ENTPD5: variants seen among roughly 807,000 people sequenced by gnomAD.
The protein encoded by ENTPD5 is nucleoside diphosphate phosphatase ENTPD5.
A neutral mutation model predicts 60.2 loss-of-function variants in ENTPD5; 49 were observed. The ratio of observed to expected loss-of-function variants is 0.81; its 90% CI spans 0.65 to 1.03. ENTPD5 has a LOEUF of 1.03. Among genes scored for constraint, ENTPD5 ranks in the 50% least tolerant of loss-of-function variants. The pLI is 0.00. For synonymous variants in ENTPD5, 187 were observed against 185.4 expected, an observed-to-expected ratio of 1.01 and a Z score of -0.07; for missense variants, 480 against 507.6, an observed-to-expected ratio of 0.95 and a Z score of 0.52.
chr14:74,014,614 T>C (rs372569664), intron 2 of ENTPD5, among the ~76,000 whole-genome samples: 29 of 152,254 alleles, frequency 1.9e-4, no homozygotes, highest in Admixed American at 1.3e-3. Flanking sequence ...AAGTAAAACA[T>C]TGAATGTTTT....
chr14:73,975,203 G>A (rs943944375), intron 10 of ENTPD5, among the ~76,000 whole-genome samples: 2 of 152,112 alleles, frequency 1.3e-5, no homozygotes, highest in Non-Finnish European at 2.9e-5. Context: ...ATCATTCAAA[G>A]GCCAGAGACA....
At chr14:73,999,691 G>A (rs1204928917) in intron 3 of ENTPD5, among the ~76,000 whole-genome samples, 1 of 151,630 alleles carries the variant, frequency 6.6e-6, no homozygotes, top group East Asian at 1.9e-4. Flanking sequence ...ACTCAGGAGG[G>A]TGAGGCAGGA....
intron 11 of ENTPD5, among the ~76,000 whole-genome samples, chr14:73,974,410 C>A (rs557334002): frequency 6.6e-6 from 1 of 152,180 alleles, no homozygotes; most frequent in South Asian, 2.1e-4. Flanking sequence ...ATCCCAATAA[C>A]AGATTACTGT....
chr14:73,960,868 A>G (rs1186312641), downstream of ENTPD5: 3 of 464,446 alleles, frequency 6.5e-6, no homozygotes, highest in Non-Finnish European at 1.2e-5. Context: ...ATGGAGGTAG[A>G]AGGATACTGT....
chr14:73,987,068 C>T (rs542037636), intron 4 of ENTPD5, 175 bp from the exon 5 acceptor site: 11 of 709,478 alleles, frequency 1.6e-5, no homozygotes, highest in Non-Finnish European at 2.6e-5. Flanking sequence ...CTAGAGCAAC[C>T]TCTGAGGGTC....
At chr14:74,016,346 A>G (rs1446464371) in intron 1 of ENTPD5, among the ~76,000 whole-genome samples, 1 of 152,194 alleles carries the variant, frequency 6.6e-6, no homozygotes, top group Non-Finnish European at 1.5e-5. Context: ...AATACAATAA[A>G]ATAAACTAGG....
intron 3 of ENTPD5, among the ~76,000 whole-genome samples, chr14:73,991,853 A>T (rs1213601384): frequency 1.3e-5 from 2 of 150,102 alleles, no homozygotes; most frequent in Non-Finnish European, 3.0e-5. Context: ...ATGTTTATTT[A>T]AAAATTTTTT....
intron 3 of ENTPD5, among the ~76,000 whole-genome samples, chr14:73,990,726 C>T (rs2058095358): frequency 6.6e-6 from 1 of 151,848 alleles, no homozygotes; most frequent in Non-Finnish European, 1.5e-5. Flanking sequence ...ATTATTGAAA[C>T]CTGTGATAAA....
chr14:74,003,410 G>A (rs1409762064), intron 3 of ENTPD5: 1 of 857,474 alleles, frequency 1.2e-6, no homozygotes, highest in Non-Finnish European at 1.8e-6. Flanking sequence ...GAGCTAAGTG[G>A]AGGAAAAAGC....
rs1265525187 is a variant in ENTPD5 at position 73,966,118 on chromosome 14, T to C, written c.*810A>G. The C allele has an allele frequency of 6.6e-6, 1 of 152,196 alleles. No homozygotes were observed. The highest frequency in any genetic ancestry group is 1.5e-5 in the Non-Finnish European group (1 of 68,038). The allele number at this position is 152,196 out of a possible 1,614,324, so 9.4% of individuals were successfully genotyped here. ...TACAAAGAAAACAAGTTTAGAATCA[T>C]AGAAAACACTGTTAACACATTAGCC... On this transcript the variant is annotated 3_prime_UTR_variant, in exon 16 of 16. Coordinates refer to ENST00000334696, the MANE Select transcript of ENTPD5 (RefSeq NM_001249.5).
downstream of ENTPD5, chr14:73,958,272 T>C: frequency 6.2e-7 from 1 of 1,613,812 alleles, no homozygotes; most frequent in Non-Finnish European, 8.5e-7. Context: ...CCAGACCAAA[T>C]TGTTGGTAGT....
chr14:73,969,000 A>T (rs2057105789), intron 15 of ENTPD5, among the ~76,000 whole-genome samples: 1 of 152,260 alleles, frequency 6.6e-6, no homozygotes, highest in Non-Finnish European at 1.5e-5. Context: ...TTACATATGC[A>T]TGAGGCATTC....
downstream of ENTPD5, chr14:73,956,197 G>A (rs140635862): frequency 3.4e-4 from 131 of 381,190 alleles, no homozygotes; most frequent in East Asian, 5.8e-3. Context: ...GCATGGTGGC[G>A]GGCGCCTATA....
In ENTPD5 at chr14:74,005,290, GAA is replaced by G. The variant is rs1208704873; in HGVS notation, c.-71+5799_-71+5800del. On this transcript the variant is annotated intron_variant, in intron 3 of 15. Transcript: ENST00000334696. ...CAAAAAAAAAAAAAAAAGAAAAAAA[GAA>G]AAAAAGAAAAAAAGAAATAAACCAG... Among the ~76,000 whole-genome samples the G allele has an allele frequency of 1.4e-3, 150 of 107,190 alleles. 1 individual carries two copies. Among genetic ancestry groups the G allele is most frequent in the African/African-American group, 4.8e-3 (140 of 29,404 alleles). The allele number at this position is 107,190 out of a possible 152,430, so 70.3% of individuals were successfully genotyped here. A position where few individuals can be genotyped will look rare whatever the true frequency, so the allele number is the denominator to read the frequency against.
downstream of ENTPD5, chr14:73,961,426 G>A (rs1317101037): frequency 6.2e-7 from 1 of 1,613,724 alleles, no homozygotes; most frequent in African/African-American, 1.3e-5. Context: ...GCTGCCAGAG[G>A]TCACACCTGA....
Position 74,004,352 on chromosome 14 carries a change from G to A in ENTPD5, c.-71+6739C>T, listed in dbSNP as rs2058605300. 3.9e-5 allele frequency among the ~76,000 whole-genome samples: 6 copies of A among 152,018 alleles called. No individual in the cohort carries two copies. The South Asian group carries it at 1.2e-3, about 32-fold the overall frequency. On this transcript the variant is annotated intron_variant, in intron 3 of 15. Transcript: ENST00000334696. The stretch of plus-strand genomic sequence containing the variant: ...CCGGCTAATTTTTGTATTTCTAGTA[G>A]AGACGGGGTTTCGCCATATTGGCCA...
Position 73,976,207 on chromosome 14 carries a change from G to T in ENTPD5, c.642+117C>A, listed in dbSNP as rs2057438015. On this transcript the variant is annotated intron_variant, in intron 9 of 15. Coordinates refer to ENST00000334696, the MANE Select transcript of ENTPD5 (RefSeq NM_001249.5). ...GGGAACATTCACCTAGTTATTAATTGACTTGACTCTGCCTAAGCGTGGTAG... is the reference window on the plus strand; with the variant it reads ...GGGAACATTCACCTAGTTATTAATTTACTTGACTCTGCCTAAGCGTGGTAG... The T allele has an allele frequency of 2.6e-5, 24 of 923,460 alleles. No homozygotes were observed. The South Asian group carries it at 3.4e-4, about 13-fold the overall frequency. 57.2% of individuals were successfully genotyped at this position (923,460 alleles called of 1,614,324 possible).
downstream of ENTPD5, chr14:73,958,964 CATGCAGATAG>C (rs1168951443): frequency 6.2e-7 from 1 of 1,613,562 alleles, no homozygotes; most frequent in Non-Finnish European, 8.5e-7. Flanking sequence ...CTCATGTGTC[CATGCAGATAG>C]GTGCAGATGG....
intron 6 of ENTPD5, among the ~76,000 whole-genome samples, chr14:73,977,701 T>C (rs1175535975): frequency 2.0e-5 from 3 of 152,192 alleles, no homozygotes; most frequent in Non-Finnish European, 4.4e-5. Context: ...TTTTTAAACC[T>C]GATAAACTCT....
Sources: allele counts gnomAD v4.1 joint callset (sites outside exome capture counted in the v4.1 genomes callset), GRCh38; gene constraint gnomAD v4.1.1; transcripts MANE v1.5; gene names NCBI Gene and HGNC (gene_info 2026-07-23, HGNC 2026-07-21).